Variants in CD101 observed in about 807,000 individuals in gnomAD.
CD101 encodes the protein CD101 molecule, also known as immunoglobulin superfamily member 2.
A neutral mutation model predicts 98.2 loss-of-function variants in CD101; 76 were observed. The observed-to-expected ratio is 0.77, with a 90% CI of 0.64 to 0.94. The LOEUF (loss-of-function observed/expected upper bound fraction) is 0.94. Ranked by LOEUF, CD101 falls within the 40% of genes least tolerant of loss-of-function variation. CD101 has a pLI of 0.00. For synonymous variants in CD101, 471 were observed against 472.7 expected, an observed-to-expected ratio of 1.00 and a Z score of 0.05; for missense variants, 1,145 against 1,218.8, an observed-to-expected ratio of 0.94 and a Z score of 0.90.
In CD101 at chr1:117,022,726, TA is replaced by T. The variant is rs969301566; in HGVS notation, c.2428+752del. ...TGAAATACTATTTTCAAGGTAACGC[TA>T]AAAAAAAATTAGATGATAATTGAGC... On this transcript the variant is annotated intron_variant, in intron 7 of 9. Coordinates refer to ENST00000682167, the MANE Select transcript of CD101 (RefSeq NM_001256106.3). The surrounding 1 kb of genome is among the most constrained non-coding windows in gnomAD (Gnocchi z 4.8). Among the ~76,000 whole-genome samples the T allele has an allele frequency of 3.8e-4, 58 of 151,470 alleles. No individual in the cohort carries two copies. Among genetic ancestry groups the T allele is most frequent in the South Asian group, 8.3e-4 (4 of 4,794 alleles).
At position 117,025,890 on chromosome 1, in the gene CD101, C is replaced by G. The variant is rs367547701; in HGVS notation, c.2810C>G (p.Thr937Arg). ...ASDESQRMVL[T>R]VLPSEPTLPS... ...GATGAGTCACAGCGGATGGTGCTCACGGTGCTGCCTTCAGGTAACCAGGGG... is the reference window on the plus strand; with the variant it reads ...GATGAGTCACAGCGGATGGTGCTCAGGGTGCTGCCTTCAGGTAACCAGGGG... Residue 937 changes from threonine (T) to arginine (R), a missense_variant, in exon 8 of 10, where the codon ACG (threonine) becomes AGG (arginine). By Grantham distance (71) the Thr-to-Arg change is moderately conservative. Coordinates refer to ENST00000682167, the MANE Select transcript of CD101 (RefSeq NM_001256106.3). 1.2e-6 allele frequency: 2 copies of G among 1,609,232 alleles called. No homozygotes were observed. Among genetic ancestry groups the G allele is most frequent in the Non-Finnish European group, 1.7e-6 (2 of 1,176,320 alleles).
At chr1:117,003,036 G>C (rs1025487163) in intron 1 of CD101, among the ~76,000 whole-genome samples, 1 of 152,184 alleles carries the variant, frequency 6.6e-6, no homozygotes, top group Non-Finnish European at 1.5e-5. Flanking sequence ...TAGCTACTTG[G>C]GAGGCTGAGG....
At position 117,009,925 on chromosome 1, in the gene CD101, G is replaced by T; in HGVS notation, c.119G>T (p.Ser40Ile). The change falls in exon 2 of 10, where the codon AGC becomes ATC. Residue 40 changes from serine (S) to isoleucine (I), a missense_variant. By Grantham distance (142) the Ser-to-Ile change is moderately radical. Transcript: ENST00000682167. The stretch of plus-strand genomic sequence containing the variant: ...TTTAGAGCTGAAGGTTACCCAGTCA[G>T]CATTGGCTGCAATGTAACTGGCCAC... ...PLFRAEGYPV[S>I]IGCNVTGHQG... 1 of 1,614,076 alleles carries T rather than the reference G, an allele frequency of 6.2e-7. No individual in the cohort carries two copies. Among genetic ancestry groups the T allele is most frequent in the Non-Finnish European group, 8.5e-7 (1 of 1,180,024 alleles).
intron 7 of CD101, among the ~76,000 whole-genome samples, chr1:117,024,433 T>C (rs1296885731): frequency 8.5e-5 from 13 of 152,128 alleles, no homozygotes; most frequent in Non-Finnish European, 1.8e-4. Flanking sequence ...GCCAAGATTG[T>C]GCCACTGCAC....
intron 1 of CD101, among the ~76,000 whole-genome samples, chr1:117,007,801 CAT>C (rs1200125164): frequency 1.3e-5 from 2 of 152,202 alleles, no homozygotes; most frequent in African/African-American, 2.4e-5. Flanking sequence ...TTGCTTTGAA[CAT>C]AGTCATTCAT....
chr1:117,029,043 AAAAG>A (rs200630498), intron 8 of CD101, among the ~76,000 whole-genome samples: 3,248 of 151,392 alleles, frequency 0.021, 116 homozygotes, highest in African/African-American at 0.067. Context: ...CAGCAGAAAG[AAAAG>A]AAAGAAAGAG....
chr1:117,033,769 G>T lies in CD101; in HGVS notation c.2825-91G>T. On this transcript the variant is annotated intron_variant, in intron 8 of 9. Coordinates refer to ENST00000682167, the MANE Select transcript of CD101 (RefSeq NM_001256106.3). The surrounding 1 kb of genome is among the most constrained non-coding windows in gnomAD (Gnocchi z 4.8). ...GGCCCCATTATTTTTACATATACTT[G>T]CCTATAACAATAAATCCCAGGAGTG... 6.5e-7 allele frequency: 1 copy of T among 1,544,792 alleles called. No individual in the cohort carries two copies. Among genetic ancestry groups the T allele is most frequent in the East Asian group, 2.3e-5 (1 of 44,380 alleles).
intron 8 of CD101, among the ~76,000 whole-genome samples, chr1:117,030,009 G>C (rs1654346583): frequency 6.6e-6 from 1 of 152,194 alleles, no homozygotes; most frequent in Non-Finnish European, 1.5e-5. Flanking sequence ...GTGATTAATT[G>C]ATAGGCCAGG....
At chr1:117,035,171 C>T (rs1557783486) in intron 9 of CD101, among the ~76,000 whole-genome samples, 1 of 152,182 alleles carries the variant, frequency 6.6e-6, no homozygotes, top group Non-Finnish European at 1.5e-5. Flanking sequence ...TTTCAAAAGC[C>T]GCTCAGGCCC....
chr1:117,025,664 C>T lies in CD101; in HGVS notation c.2584C>T (p.Leu862=), dbSNP rs926861306. The T allele has an allele frequency of 5.0e-6, 8 of 1,614,154 alleles. No individual in the cohort carries two copies. Among genetic ancestry groups the T allele is most frequent in the Admixed American group, 3.3e-5 (2 of 60,020 alleles). ...CAGAGAAAACTCTGGAAGTAAATTG[C>T]TGGTGCACTTGCAACATGATGGCTT... ...WNRENSGSKL[L]VHLQHDGLLE... The change falls in exon 8 of 10, where the codon CTG becomes TTG. Residue 862 remains leucine, a synonymous_variant. Transcript: ENST00000682167.
Position 117,012,377 on chromosome 1 carries a change from C to G in CD101, c.841+411C>G, listed in dbSNP as rs1200250563. ...ATGCTAGATGCGCTGCCTAAGCCCA[C>G]CCAGCTGGTGAGAGTGGGGCTGGCA... On this transcript the variant is annotated intron_variant, in intron 3 of 9. Transcript: ENST00000682167. This position sits in a 1 kb window ranked among gnomAD's most constrained non-coding sequence, Gnocchi z 4.0. 6.6e-6 allele frequency among the ~76,000 whole-genome samples: 1 copy of G among 152,154 alleles called. No individual in the cohort carries two copies. The highest frequency in any genetic ancestry group is 1.5e-5 in the Non-Finnish European group (1 of 68,022).
In CD101 at chr1:117,006,698, A is replaced by G. The variant is rs1297217329; in HGVS notation, c.44-3152A>G. Among the ~76,000 whole-genome samples the G allele has an allele frequency of 1.3e-5, 2 of 151,918 alleles. No individual in the cohort carries two copies. On this transcript the variant is annotated intron_variant, in intron 1 of 9. Coordinates refer to ENST00000682167, the MANE Select transcript of CD101 (RefSeq NM_001256106.3). This position sits in a 1 kb window ranked among gnomAD's most constrained non-coding sequence, Gnocchi z 4.4. ...TAATGCCATCTCTTATGCCATCTCC[A>G]TAAACCTATTTCCCTCCCCTCAAAA...
chr1:117,021,468 C>T lies in CD101; in HGVS notation c.2018-105C>T. ...GGGGCTACTGTAGAGGGAGTTCACC[C>T]ATATGATGGCGGGAGGATGCAGTGT... is the stretch of plus-strand genomic sequence containing the variant. On this transcript the variant is annotated intron_variant, in intron 6 of 9. Transcript: ENST00000682167. This position sits in a 1 kb window ranked among gnomAD's most constrained non-coding sequence, Gnocchi z 4.7. 1.1e-6 allele frequency: 1 copy of T among 903,736 alleles called. No individual in the cohort carries two copies. The highest frequency in any genetic ancestry group is 1.7e-5 in the African/African-American group (1 of 59,448). The allele number at this position is 903,736 out of a possible 1,614,324, so 56.0% of individuals were successfully genotyped here.
chr1:117,034,339 C>T, intron 9 of CD101: 2 of 532,164 alleles, frequency 3.8e-6, no homozygotes, highest in South Asian at 2.1e-5. Flanking sequence ...AGCATCATTA[C>T]CCTACATCTC....
chr1:117,014,948 T>C (rs1441865360), intron 4 of CD101, among the ~76,000 whole-genome samples: 1 of 152,220 alleles, frequency 6.6e-6, no homozygotes, highest in Non-Finnish European at 1.5e-5. Context: ...TATGCAGAGA[T>C]AAGTTTCTGC....
rs768515531 is a variant in CD101 at position 117,005,709 on chromosome 1, A to G, written c.43+3849A>G. On this transcript the variant is annotated intron_variant, in intron 1 of 9. Transcript: ENST00000682167. The surrounding 1 kb of genome is among the most constrained non-coding windows in gnomAD (Gnocchi z 4.4). ...CTTGTATGTAACTGACCTAATCTAC[A>G]TCTAACAGTTCAGAACTCTCCCTAG... Among the ~76,000 whole-genome samples the G allele has an allele frequency of 4.6e-5, 7 of 152,148 alleles. No individual in the cohort carries two copies. Among genetic ancestry groups the G allele is most frequent in the Admixed American group, 2.6e-4 (4 of 15,278 alleles).
chr1:117,034,977 G>A (rs539604664), intron 9 of CD101, among the ~76,000 whole-genome samples: 58 of 152,318 alleles, frequency 3.8e-4, no homozygotes, highest in African/African-American at 1.3e-3. Flanking sequence ...TGGAGGAGCA[G>A]GGTTGACAGT....
rs1557776560 is a variant in CD101, at chr1:117,025,797, T to C, written c.2717T>C (p.Met906Thr). ...CAGGTGGAGATGGAGGATGCAGGAA[T>C]GTACTGGTGTAGGGTGGCAGAGTGG... is the stretch of plus-strand genomic sequence containing the variant. ...LHQVEMEDAG[M>T]YWCRVAEWQL... is the part of the protein sequence containing the mutation. Residue 906 changes from methionine (M) to threonine (T), a missense_variant, in exon 8 of 10, where the codon ATG becomes ACG. By Grantham distance (81) the Met-to-Thr change is moderately conservative. Transcript: ENST00000682167. 1 of 1,614,196 alleles carries C rather than the reference T, an allele frequency of 6.2e-7. No individual in the cohort carries two copies. The highest frequency in any genetic ancestry group is 1.1e-5 in the South Asian group (1 of 91,082).
At chr1:117,035,763 A>G (rs1263317185) in intron 9 of CD101, among the ~76,000 whole-genome samples, 1 of 152,048 alleles carries the variant, frequency 6.6e-6, no homozygotes, top group Non-Finnish European at 1.5e-5. Flanking sequence ...CGTGTTAGCC[A>G]GGATGGTCTC....
Sources: allele counts gnomAD v4.1 joint callset (sites outside exome capture counted in the v4.1 genomes callset), GRCh38; gene constraint gnomAD v4.1.1; non-coding constraint Gnocchi (gnomAD v3.1); transcripts MANE v1.5; gene names NCBI Gene and HGNC (gene_info 2026-07-23, HGNC 2026-07-21).